The following ASTN1 variants were observed in gnomAD, a reference collection of about 807,000 sequenced individuals.
ASTN1 encodes the protein astrotactin-1.
A neutral mutation model predicts 140.7 loss-of-function variants in ASTN1; 41 were observed. The ratio of observed to expected loss-of-function variants is 0.29; its 90% CI spans 0.23 to 0.38. The LOEUF (loss-of-function observed/expected upper bound fraction) is 0.38. Ranked by LOEUF, ASTN1 falls within the 10% of genes least tolerant of loss-of-function variation. ASTN1 has a pLI of 1.00. For synonymous variants in ASTN1, 640 were observed against 652.2 expected, an observed-to-expected ratio of 0.98 and a Z score of 0.29; for missense variants, 1,479 against 1,678.8, an observed-to-expected ratio of 0.88 and a Z score of 2.08.
intron 1 of ASTN1, among the ~76,000 whole-genome samples, chr1:177,107,107 T>G (rs747018326): frequency 2.2e-4 from 33 of 152,250 alleles, no homozygotes; most frequent in Non-Finnish European, 4.9e-4. Context: ...TGAAATTCGG[T>G]CCATGGACCA....
At chr1:177,094,114 C>T (rs1179342151) in intron 1 of ASTN1, among the ~76,000 whole-genome samples, 2 of 152,192 alleles carry the variant, frequency 1.3e-5, no homozygotes, top group African/African-American at 4.8e-5. Flanking sequence ...ATTGTCATTT[C>T]AGATTGCTAC....
At chr1:177,054,956 T>A (rs1184414851) in intron 2 of ASTN1, among the ~76,000 whole-genome samples, 1 of 152,200 alleles carries the variant, frequency 6.6e-6, no homozygotes, top group Non-Finnish European at 1.5e-5. Context: ...CCAGCCTTTG[T>A]GAAAATCTGC....
intron 1 of ASTN1, among the ~76,000 whole-genome samples, chr1:177,119,547 G>C (rs963301870): frequency 6.6e-6 from 1 of 152,200 alleles, no homozygotes; most frequent in African/African-American, 2.4e-5. Flanking sequence ...CAACTCAAAA[G>C]AAGCTGCAGA....
chr1:176,994,336 T>G (rs1674338852), intron 8 of ASTN1, among the ~76,000 whole-genome samples: 1 of 152,130 alleles, frequency 6.6e-6, no homozygotes, highest in Admixed American at 6.6e-5. Context: ...CTCAATTATC[T>G]TTTCCCCTCA....
At chr1:177,115,933 A>C (rs1681065301) in intron 1 of ASTN1, among the ~76,000 whole-genome samples, 1 of 152,196 alleles carries the variant, frequency 6.6e-6, no homozygotes. Flanking sequence ...TTTTCCATTG[A>C]ACACTTTATT....
chr1:176,998,564 C>T (rs1345018070), intron 8 of ASTN1, among the ~76,000 whole-genome samples: 13 of 152,186 alleles, frequency 8.5e-5, no homozygotes, highest in Middle Eastern at 3.4e-3. Context: ...CTCATTAAGT[C>T]ACTGACAGTG....
chr1:176,936,715 C>A (rs1671463622), intron 14 of ASTN1, among the ~76,000 whole-genome samples: 1 of 152,210 alleles, frequency 6.6e-6, no homozygotes, highest in South Asian at 2.1e-4. Context: ...CTTTCACACA[C>A]AATAACTTCT....
chr1:177,079,737 C>A (rs919644340), intron 1 of ASTN1, among the ~76,000 whole-genome samples: 12 of 151,960 alleles, frequency 7.9e-5, no homozygotes, highest in African/African-American at 2.4e-5. Context: ...TTTACAGATG[C>A]CCAATTCCTT....
intron 8 of ASTN1, among the ~76,000 whole-genome samples, chr1:176,972,975 T>A (rs912895774): frequency 1.3e-5 from 2 of 152,076 alleles, no homozygotes; most frequent in Admixed American, 6.6e-5. Flanking sequence ...TCTGCCCCCA[T>A]CTTCCCTCCT....
chr1:176,879,957 G>A (rs773357450), intron 20 of ASTN1, among the ~76,000 whole-genome samples: 2 of 152,110 alleles, frequency 1.3e-5, no homozygotes, highest in Admixed American at 6.5e-5. Flanking sequence ...TGCCATGTGC[G>A]GTCATCTCAG....
intron 17 of ASTN1, among the ~76,000 whole-genome samples, chr1:176,891,166 T>C (rs140572881): frequency 4.9e-4 from 75 of 152,214 alleles, no homozygotes; most frequent in African/African-American, 1.5e-3. Context: ...GAAAGGGAAA[T>C]TACATTTGTC....
intron 16 of ASTN1, among the ~76,000 whole-genome samples, chr1:176,913,711 A>AGTTTTT (rs1311273426): frequency 6.6e-6 from 1 of 152,234 alleles, no homozygotes; most frequent in African/African-American, 2.4e-5. Flanking sequence ...GAACAAAAAG[A>AGTTTTT]GTTTTTAACT....
intron 21 of ASTN1, among the ~76,000 whole-genome samples, chr1:176,872,635 G>A (rs1369578289): frequency 1.3e-5 from 2 of 152,114 alleles, no homozygotes; most frequent in African/African-American, 2.4e-5. Flanking sequence ...CCAATCCCAG[G>A]CAGAGTACAG....
chr1:177,051,878 G>A (rs891669117), intron 2 of ASTN1, among the ~76,000 whole-genome samples: 20 of 152,108 alleles, frequency 1.3e-4, no homozygotes, highest in African/African-American at 4.3e-4. Flanking sequence ...CCTGGGCAGT[G>A]ATGGAATTCC....
intron 17 of ASTN1, among the ~76,000 whole-genome samples, chr1:176,891,999 A>G (rs1669288076): frequency 6.6e-6 from 1 of 152,180 alleles, no homozygotes; most frequent in Admixed American, 6.5e-5. Context: ...CAGTGGTAGA[A>G]ATGTGGGCAA....
At chr1:176,868,465 A>G (rs1463550899) in intron 22 of ASTN1, among the ~76,000 whole-genome samples, 3 of 152,248 alleles carry the variant, frequency 2.0e-5, no homozygotes, top group African/African-American at 7.2e-5. Context: ...TAACATATGA[A>G]AAACCTAAAT....
intron 14 of ASTN1, among the ~76,000 whole-genome samples, chr1:176,940,699 A>G (rs946359022): frequency 2.6e-5 from 4 of 152,212 alleles, no homozygotes; most frequent in African/African-American, 9.6e-5. Context: ...TCCATACAAC[A>G]TATAACACCA....
At chr1:176,932,134 A>G (rs1671232890) in intron 16 of ASTN1, among the ~76,000 whole-genome samples, 1 of 152,242 alleles carries the variant, frequency 6.6e-6, no homozygotes, top group African/African-American at 2.4e-5. Flanking sequence ...ACGTAATTTT[A>G]GGTATCTAGT....
chr1:176,943,792 C>T, intron 14 of ASTN1, 99 bp downstream of exon 14: 3 of 1,406,536 alleles, frequency 2.1e-6, no homozygotes, highest in Non-Finnish European at 1.9e-6. Flanking sequence ...AAATCACTGG[C>T]TTAGAAACCA....
Sources: allele counts gnomAD v4.1 joint callset (sites outside exome capture counted in the v4.1 genomes callset), GRCh38; gene constraint gnomAD v4.1.1; transcripts MANE v1.5; gene names NCBI Gene and HGNC (gene_info 2026-07-23, HGNC 2026-07-21).